RCOR1: variants seen among roughly 807,000 people sequenced by gnomAD.
The protein encoded by RCOR1 is REST corepressor.
RCOR1 carries 12 observed loss-of-function variants against 64.0 expected under a neutral mutation model. The ratio of observed to expected loss-of-function variants is 0.19; its 90% confidence interval spans 0.12 to 0.30. The LOEUF (loss-of-function observed/expected upper bound fraction) is 0.30, where lower values mean the gene tolerates loss of function less well. Among genes scored for constraint, RCOR1 ranks in the 10% least tolerant of loss-of-function variants. The pLI, the probability that RCOR1 is intolerant of heterozygous loss-of-function variation, is 1.00. For synonymous variants in RCOR1, 279 were observed against 227.2 expected (o/e 1.23, Z -2.05); for missense variants, 502 against 621.2 (o/e 0.81, Z 2.04).
chr14:102,709,081 A>G (rs910467185), intron 6 of RCOR1, among the ~76,000 whole-genome samples: 5 of 152,220 alleles, frequency 3.3e-5, no homozygotes, highest in African/African-American at 1.2e-4. Context: ...CTTCTTAACC[A>G]TCACTTCCTC....
intron 2 of RCOR1, among the ~76,000 whole-genome samples, chr14:102,661,155 T>C (rs1894817022): frequency 6.6e-6 from 1 of 152,130 alleles, no homozygotes; most frequent in African/African-American, 2.4e-5. Context: ...GAGACCAGCC[T>C]GGGCAGCATG....
chr14:102,637,149 C>T (rs1219444557), intron 2 of RCOR1, among the ~76,000 whole-genome samples: 2 of 142,046 alleles, frequency 1.4e-5, no homozygotes, highest in African/African-American at 2.6e-5. Flanking sequence ...TTTTTTGAGA[C>T]GGAGTCTTAC....
At chr14:102,593,977 A>G (rs1459400529) in intron 2 of RCOR1, among the ~76,000 whole-genome samples, 5 of 152,144 alleles carry the variant, frequency 3.3e-5, no homozygotes, top group African/African-American at 1.2e-4. Flanking sequence ...TTTTGGAGGA[A>G]GAGATTGTGA....
rs1893156534 is a variant in RCOR1, at chr14:102,592,877, GC to G, written c.-5del. On this transcript the variant is annotated 5_prime_UTR_variant, in exon 1 of 12. Transcript: ENST00000262241. ...TCCCCGCCACTTTCGCACGGCCCCG[GC>G]CCCCGCCGATGCCGGCCATGGTGGA... 1.6e-6 allele frequency: 2 copies of G among 1,222,436 alleles called. No homozygotes were observed. Among genetic ancestry groups the G allele is most frequent in the Non-Finnish European group, 2.0e-6 (2 of 980,024 alleles). The allele number at this position is 1,222,436 out of a possible 1,614,324, so 75.7% of individuals were successfully genotyped here.
chr14:102,680,147 TA>T (rs1895275470), intron 2 of RCOR1, among the ~76,000 whole-genome samples: 1 of 152,206 alleles, frequency 6.6e-6, no homozygotes, highest in Non-Finnish European at 1.5e-5. Flanking sequence ...TATTTGATGC[TA>T]ATGATCTTTA....
chr14:102,610,657 C>T (rs917394311), intron 2 of RCOR1, among the ~76,000 whole-genome samples: 1 of 152,078 alleles, frequency 6.6e-6, no homozygotes, highest in Non-Finnish European at 1.5e-5. Flanking sequence ...CGCCCACCCG[C>T]GTTCACACCA....
intron 7 of RCOR1, among the ~76,000 whole-genome samples, 185 bp downstream of exon 7, chr14:102,711,198 T>C (rs775602043): frequency 2.0e-5 from 3 of 152,236 alleles, no homozygotes; most frequent in Admixed American, 6.5e-5. Flanking sequence ...CTAATAGATA[T>C]GAATAAAGGA....
At chr14:102,663,950 T>C (rs1001329227) in intron 2 of RCOR1, among the ~76,000 whole-genome samples, 2 of 152,136 alleles carry the variant, frequency 1.3e-5, no homozygotes, top group African/African-American at 4.8e-5. Context: ...TAAGATGTTA[T>C]TAGTTAGAAA....
At chr14:102,604,328 A>G (rs967771117) in intron 2 of RCOR1, among the ~76,000 whole-genome samples, 4 of 152,224 alleles carry the variant, frequency 2.6e-5, no homozygotes, top group South Asian at 2.1e-4. Context: ...TTAAAATGCT[A>G]TAGACTAAAA....
chr14:102,690,386 C>T (rs573220988), intron 3 of RCOR1, among the ~76,000 whole-genome samples: 1 of 152,146 alleles, frequency 6.6e-6, no homozygotes, highest in East Asian at 1.9e-4. Context: ...AAGTTAAAGT[C>T]AAAAGAACCT....
intron 2 of RCOR1, among the ~76,000 whole-genome samples, chr14:102,637,656 C>A (rs1230679520): frequency 6.6e-6 from 1 of 151,664 alleles, no homozygotes; most frequent in Admixed American, 6.6e-5. Flanking sequence ...TGCCATGTTG[C>A]CCAGGTAGTC....
chr14:102,604,543 C>T (rs1260188479), intron 2 of RCOR1, among the ~76,000 whole-genome samples: 1 of 152,144 alleles, frequency 6.6e-6, no homozygotes, highest in Non-Finnish European at 1.5e-5. Context: ...TCTCCATTTT[C>T]CAGATGAGGA....
intron 2 of RCOR1, among the ~76,000 whole-genome samples, chr14:102,597,770 A>AT (rs1250230135): frequency 2.7e-5 from 4 of 148,358 alleles, no homozygotes; most frequent in African/African-American, 1.0e-4. Flanking sequence ...AGTAGCCGGG[A>AT]TTACAGGCGT....
Position 102,722,521 on chromosome 14 carries a change from CT to C in RCOR1, c.1419+106del, listed in dbSNP as rs1896185834. ...AGCTATAGAGATTTTTAGGTATCAGCTGTATTAGTAACTTCACTCTTACCTG... is the reference window on the plus strand; with the variant it reads ...AGCTATAGAGATTTTTAGGTATCAGCGTATTAGTAACTTCACTCTTACCTG... On this transcript the variant is annotated intron_variant, in intron 11 of 11. Coordinates refer to ENST00000262241, the MANE Select transcript of RCOR1 (RefSeq NM_015156.4). 9 of 866,848 alleles carry C rather than the reference CT, an allele frequency of 1.0e-5. No homozygotes were observed. The South Asian group carries it at 1.5e-4, about 15-fold the overall frequency. The allele number at this position is 866,848 out of a possible 1,614,324, so 53.7% of individuals were successfully genotyped here.
chr14:102,696,129 T>C (rs929280291), intron 3 of RCOR1, among the ~76,000 whole-genome samples: 2 of 152,158 alleles, frequency 1.3e-5, no homozygotes, highest in African/African-American at 4.8e-5. Context: ...ATTCCCATAC[T>C]GTCCTACATC....
At chr14:102,651,174 C>A (rs997928825) in intron 2 of RCOR1, 3 of 474,498 alleles carry the variant, frequency 6.3e-6, no homozygotes, top group African/African-American at 2.1e-5. Flanking sequence ...ATTAAAGACA[C>A]ACACACACAA....
intron 2 of RCOR1, among the ~76,000 whole-genome samples, chr14:102,608,978 A>ATATC (rs938547366): frequency 7.0e-5 from 10 of 143,234 alleles, no homozygotes; most frequent in African/African-American, 2.3e-4. Context: ...TTAGGGGTAT[A>ATATC]TATCTATTAG....
At chr14:102,610,723 C>T (rs911555645) in intron 2 of RCOR1, among the ~76,000 whole-genome samples, 40 of 151,714 alleles carry the variant, frequency 2.6e-4, no homozygotes, top group Non-Finnish European at 1.0e-4. Context: ...CCACCACGCC[C>T]GGCTAATTTT....
chr14:102,636,971 C>CA (rs1428975672), intron 2 of RCOR1, among the ~76,000 whole-genome samples: 2 of 151,120 alleles, frequency 1.3e-5, no homozygotes, highest in South Asian at 2.1e-4. Flanking sequence ...AACTCTGTTT[C>CA]AAAAAAACAA....
Sources: allele counts gnomAD v4.1 joint callset (sites outside exome capture counted in the v4.1 genomes callset), GRCh38; gene constraint gnomAD v4.1.1; transcripts MANE v1.5; gene names NCBI Gene and HGNC (gene_info 2026-07-23, HGNC 2026-07-21).